CAPZA2: variants seen among roughly 807,000 people sequenced by gnomAD.
CAPZA2 encodes the protein F-actin-capping protein subunit alpha-2.
In CAPZA2, 13 loss-of-function variants were observed where a neutral mutation model predicts 44.0. That is an observed-to-expected ratio of 0.30 (90% CI 0.19 to 0.47). The LOEUF (loss-of-function observed/expected upper bound fraction) is 0.47, where lower values mean the gene tolerates loss of function less well. Ranked by LOEUF, CAPZA2 falls within the 20% of genes least tolerant of loss-of-function variation. The probability of loss-of-function intolerance (pLI) is 1.00; values close to 1 mark genes in which losing one functional copy is unlikely to be tolerated. For synonymous variants in CAPZA2, 94 were observed against 108.2 expected, an observed-to-expected ratio of 0.87 and a Z score of 0.81; for missense variants, 244 against 338.6, an observed-to-expected ratio of 0.72 and a Z score of 2.19.
intron 1 of CAPZA2, among the ~76,000 whole-genome samples, chr7:116,883,634 TTG>T (rs1435388550): frequency 1.3e-5 from 2 of 152,196 alleles, no homozygotes; most frequent in Non-Finnish European, 2.9e-5. Flanking sequence ...ACTTTGGATG[TTG>T]TGGAAGTCCA....
At chr7:116,875,772 C>T (rs1206302042) in intron 1 of CAPZA2, 4 of 151,492 alleles carry the variant, frequency 2.6e-5, no homozygotes, top group Non-Finnish European at 5.9e-5. Flanking sequence ...CCAGGCTGGA[C>T]TCAAGTGATC....
chr7:116,880,755 C>G (rs1796687094), intron 1 of CAPZA2, among the ~76,000 whole-genome samples: 1 of 105,358 alleles, frequency 9.5e-6, no homozygotes. Flanking sequence ...TGCTCTGTCG[C>G]CCAGGCTGGA....
At chr7:116,909,019 T>TACTTACCAC (rs1165400672) in intron 6 of CAPZA2, among the ~76,000 whole-genome samples, 2 of 152,190 alleles carry the variant, frequency 1.3e-5, no homozygotes, top group African/African-American at 2.4e-5. Context: ...ATTTACATCA[T>TACTTACCAC]ACTTACCAGT....
At position 116,919,741 on chromosome 7, in the gene CAPZA2, T is replaced by G. The variant is rs917920894; in HGVS notation, c.*1874T>G. ...TTAGCCGGGTGTGGTGACAGGCGCT[T>G]GTAGTCCCAGCTACTCGGGAGGCTG... On this transcript the variant is annotated 3_prime_UTR_variant, in exon 10 of 10. Transcript: ENST00000361183. The G allele has an allele frequency of 2.0e-5, 3 of 151,662 alleles. No individual in the cohort carries two copies. The highest frequency in any genetic ancestry group is 7.3e-5 in the African/African-American group (3 of 41,244). The allele number at this position is 151,662 out of a possible 1,614,324, so 9.4% of individuals were successfully genotyped here. A position where few individuals can be genotyped will look rare whatever the true frequency, so the allele number is the denominator to read the frequency against.
intron 8 of CAPZA2, among the ~76,000 whole-genome samples, chr7:116,914,427 A>G (rs1455438544): frequency 2.5e-5 from 3 of 119,300 alleles, no homozygotes; most frequent in Non-Finnish European, 5.3e-5. Flanking sequence ...TTACATATAC[A>G]TACATACACA....
At chr7:116,880,303 G>C (rs1478648938) in intron 1 of CAPZA2, among the ~76,000 whole-genome samples, 1 of 152,174 alleles carries the variant, frequency 6.6e-6, no homozygotes, top group Non-Finnish European at 1.5e-5. Flanking sequence ...CAGAACTCAA[G>C]TAATTAGAAT....
chr7:116,912,221 A>G, intron 8 of CAPZA2, 81 bp downstream of exon 8: 1 of 1,561,724 alleles, frequency 6.4e-7, no homozygotes, highest in Non-Finnish European at 8.6e-7. Context: ...ATTTTAAGTA[A>G]TATTTCTGCT....
chr7:116,894,191 G>A (rs146026044), intron 3 of CAPZA2, among the ~76,000 whole-genome samples: 3 of 152,132 alleles, frequency 2.0e-5, no homozygotes, highest in East Asian at 3.9e-4. Context: ...GTGAAATCCC[G>A]TCTCTACTAA....
At position 116,876,175 on chromosome 7, in the gene CAPZA2, AG is replaced by A. The variant is rs1796618577; in HGVS notation, c.40-11950del. ...TGAGACAGGAGAATGGTGTGAACCC[AG>A]GAGGCGGAGCTTGCAGTGAGCGGAG... On this transcript the variant is annotated intron_variant, in intron 1 of 9. Transcript: ENST00000361183. 2.0e-5 allele frequency: 3 copies of A among 151,360 alleles called. No individual in the cohort carries two copies. The East Asian group carries it at 5.9e-4, about 30-fold the overall frequency. 9.4% of individuals were successfully genotyped at this position (151,360 alleles called of 1,614,324 possible). A position where few individuals can be genotyped will look rare whatever the true frequency, so the allele number is the denominator to read the frequency against.
intron 9 of CAPZA2, 105 bp downstream of exon 9, chr7:116,916,227 G>C (rs984746201): frequency 8.3e-7 from 1 of 1,208,414 alleles, no homozygotes; most frequent in African/African-American, 1.6e-5. Flanking sequence ...ATCAGTTAGA[G>C]TCTTTTTGTT....
At chr7:116,887,961 T>C (rs375354187) in intron 1 of CAPZA2, among the ~76,000 whole-genome samples, 166 bp from the exon 2 acceptor site, 52 of 152,390 alleles carry the variant, frequency 3.4e-4, no homozygotes, top group Admixed American at 2.0e-3. Context: ...TATTAAATTA[T>C]TGAAACAGTA....
At chr7:116,916,254 C>A in intron 9 of CAPZA2, 132 bp downstream of exon 9, 1 of 876,594 alleles carries the variant, frequency 1.1e-6, no homozygotes, top group Non-Finnish European at 1.6e-6. Flanking sequence ...CTGCTTTTAA[C>A]ACAAAGGCAG....
chr7:116,900,893 A>G (rs1796985934), intron 4 of CAPZA2, among the ~76,000 whole-genome samples: 1 of 152,138 alleles, frequency 6.6e-6, no homozygotes, highest in South Asian at 2.1e-4. Context: ...TTGAGGCCAA[A>G]CAAGCATATG....
intron 5 of CAPZA2, among the ~76,000 whole-genome samples, chr7:116,905,315 T>C (rs1175319040): frequency 6.6e-6 from 1 of 152,026 alleles, no homozygotes; most frequent in Non-Finnish European, 1.5e-5. Context: ...GCAAATCAGG[T>C]CATTAAAATT....
chr7:116,879,124 C>CAAA (rs71148337), intron 1 of CAPZA2, among the ~76,000 whole-genome samples: 554 of 45,262 alleles, frequency 0.012, 33 homozygotes, highest in Non-Finnish European at 0.017. Flanking sequence ...AACTCTGTCT[C>CAAA]AAAAAAAAAA....
chr7:116,911,991 G>T (rs973220813), intron 7 of CAPZA2, 78 bp from the exon 8 acceptor site: 3 of 1,590,160 alleles, frequency 1.9e-6, no homozygotes, highest in Non-Finnish European at 2.6e-6. Context: ...TAGTCAGTCT[G>T]CATTGATATG....
chr7:116,893,724 A>G (rs1796882376), intron 3 of CAPZA2, among the ~76,000 whole-genome samples: 1 of 152,210 alleles, frequency 6.6e-6, no homozygotes, highest in Non-Finnish European at 1.5e-5. Context: ...GAGAGCTTTT[A>G]AAGTTGTGAG....
chr7:116,870,984 T>A (rs1796547823), intron 1 of CAPZA2, among the ~76,000 whole-genome samples: 1 of 152,192 alleles, frequency 6.6e-6, no homozygotes, highest in Non-Finnish European at 1.5e-5. Context: ...CTAGTCATTG[T>A]CTATGTGAAA....
Position 116,917,993 on chromosome 7 carries a change from AGTTT to A in CAPZA2, c.*128_*131del. ...CCATTTAAAATCACTGTAATTAATTAGTTTGATTAGAGCACAAAGCTTAGCTAAT... is the reference window on the plus strand; with the variant it reads ...CCATTTAAAATCACTGTAATTAATTAGATTAGAGCACAAAGCTTAGCTAAT... On this transcript the variant is annotated 3_prime_UTR_variant, in exon 10 of 10. Transcript: ENST00000361183. The A allele has an allele frequency of 1.5e-6, 1 of 672,868 alleles. No homozygotes were observed. The highest frequency in any genetic ancestry group is 2.6e-6 in the Non-Finnish European group (1 of 387,704). 41.7% of individuals were successfully genotyped at this position (672,868 alleles called of 1,614,324 possible).
Sources: gnomAD v4.1 joint callset for allele counts (sites outside exome capture counted in the v4.1 genomes callset) on GRCh38, gnomAD v4.1.1 for gene constraint, MANE v1.5 for transcripts, NCBI Gene and HGNC (gene_info 2026-07-23, HGNC 2026-07-21) for gene names.